DLGAP2: variants seen among roughly 807,000 people sequenced by gnomAD.
DLGAP2 encodes the protein disks large-associated protein 2.
Under a neutral mutation model 100.3 loss-of-function variants are expected in DLGAP2, and 26 were observed. That is an observed-to-expected ratio of 0.26 (90% CI 0.19 to 0.36). DLGAP2 has a LOEUF of 0.36. Among genes scored for constraint, DLGAP2 ranks in the 10% least tolerant of loss-of-function variants. DLGAP2 has a pLI of 1.00. For missense variants in DLGAP2, 1,858 were observed against 1,453.2 expected (o/e 1.28, Z -4.53); for synonymous variants, 886 against 630.1 (o/e 1.41, Z -6.08).
chr8:1,640,139 C>T (rs577035387), intron 8 of DLGAP2, among the ~76,000 whole-genome samples: 4 of 152,310 alleles, frequency 2.6e-5, no homozygotes, highest in Non-Finnish European at 4.4e-5. Context: ...ATCCTTCAGG[C>T]ACTGACCCAA....
In DLGAP2 at chr8:1,070,556, A is replaced by G. The variant is rs574860499; in HGVS notation, c.73+162590A>G. Among the ~76,000 whole-genome samples the G allele has an allele frequency of 1.6e-3, 239 of 152,296 alleles. 1 individual carries two copies. The highest frequency in any genetic ancestry group is 5.2e-3 in the African/African-American group (217 of 41,564). ...CTCACAGGTGAGGGGCGATTTCGGC[A>G]CTGTCCAATGTCTACTCATGTTCCA... On this transcript the variant is annotated intron_variant, in intron 2 of 14. Coordinates refer to ENST00000637795, the MANE Select transcript of DLGAP2 (RefSeq NM_001346810.2).
chr8:854,255 G>T (rs1008752678), intron 1 of DLGAP2, among the ~76,000 whole-genome samples: 3 of 152,184 alleles, frequency 2.0e-5, no homozygotes, highest in Non-Finnish European at 2.9e-5. Context: ...GGGGTTAGTG[G>T]GGCTTGTGTA....
At chr8:942,943 T>C (rs1584909471) in intron 2 of DLGAP2, among the ~76,000 whole-genome samples, 1 of 152,208 alleles carries the variant, frequency 6.6e-6, no homozygotes, top group East Asian at 1.9e-4. Flanking sequence ...AGTGATGCGT[T>C]GCAAGGGTGT....
intron 1 of DLGAP2, among the ~76,000 whole-genome samples, chr8:836,693 C>T (rs954511427): frequency 1.4e-4 from 22 of 152,182 alleles, no homozygotes; most frequent in Non-Finnish European, 1.5e-5. Flanking sequence ...CCTGGAAGGG[C>T]TTTGGAGAGA....
At chr8:826,318 T>G (rs142405097) in intron 1 of DLGAP2, among the ~76,000 whole-genome samples, 1 of 152,358 alleles carries the variant, frequency 6.6e-6, no homozygotes, top group African/African-American at 2.4e-5. Context: ...ATGTCCTGAT[T>G]TCCTTCCTTT....
intron 1 of DLGAP2, among the ~76,000 whole-genome samples, chr8:904,701 G>T (rs1447688964): frequency 6.6e-6 from 1 of 152,174 alleles, no homozygotes; most frequent in Non-Finnish European, 1.5e-5. Flanking sequence ...GCAGCTGGCT[G>T]GGTGTGGACA....
chr8:1,479,672 T>C (rs1799034936), intron 3 of DLGAP2, among the ~76,000 whole-genome samples: 1 of 152,218 alleles, frequency 6.6e-6, no homozygotes, highest in Non-Finnish European at 1.5e-5. Context: ...TTATCATTCC[T>C]ATTATGCAAA....
At chr8:1,605,620 A>G (rs1322355412) in intron 6 of DLGAP2, among the ~76,000 whole-genome samples, 1 of 152,002 alleles carries the variant, frequency 6.6e-6, no homozygotes, top group Non-Finnish European at 1.5e-5. Flanking sequence ...GCCCCTTTCC[A>G]TGGTTGTCCC....
chr8:1,423,296 T>G (rs150540491), intron 3 of DLGAP2, among the ~76,000 whole-genome samples: 3 of 152,152 alleles, frequency 2.0e-5, no homozygotes, highest in African/African-American at 7.2e-5. Context: ...GCCTGCTCAG[T>G]CCATGGGACA....
chr8:1,649,150 G>C (rs540957112), intron 8 of DLGAP2, among the ~76,000 whole-genome samples: 1 of 152,284 alleles, frequency 6.6e-6, no homozygotes, highest in East Asian at 1.9e-4. Flanking sequence ...TTTACCTAAA[G>C]CTTAAGATGT....
chr8:1,647,039 T>G lies in DLGAP2; in HGVS notation c.1810+13993T>G, dbSNP rs148623848. Among the ~76,000 whole-genome samples the G allele has an allele frequency of 1.2e-3, 189 of 152,298 alleles. 1 individual carries two copies. Among genetic ancestry groups the G allele is most frequent in the African/African-American group, 4.3e-3 (177 of 41,560 alleles). On this transcript the variant is annotated intron_variant, in intron 8 of 14. Transcript: ENST00000637795. ...CACAGGGCTCAGGCTTTGGCTCATC[T>G]GACAGCGGTGCCGGGGCATGGAGGC...
At chr8:1,581,988 A>G (rs1273052064) in intron 6 of DLGAP2, among the ~76,000 whole-genome samples, 3 of 151,230 alleles carry the variant, frequency 2.0e-5, no homozygotes, top group African/African-American at 7.3e-5. Context: ...TGTACACACC[A>G]CAGTCAAACT....
intron 3 of DLGAP2, among the ~76,000 whole-genome samples, chr8:1,332,952 A>G (rs548799483): frequency 1.3e-5 from 2 of 151,924 alleles, no homozygotes; most frequent in East Asian, 3.9e-4. Flanking sequence ...CAGCAAGCCT[A>G]CTCCCTTCCA....
Position 1,549,187 on chromosome 8 carries a change from C to G in DLGAP2, c.734C>G (p.Ser245Trp). 1 of 1,599,338 alleles carries G rather than the reference C, an allele frequency of 6.3e-7. No homozygotes were observed. Among genetic ancestry groups the G allele is most frequent in the Non-Finnish European group, 8.5e-7 (1 of 1,173,880 alleles). The change falls in exon 5 of 15, where the codon TCG becomes TGG. Residue 245 changes from serine to tryptophan, a missense_variant. Transcript: ENST00000637795. ...SVQKLFTKSH[S>W]LEGSSKSNAN... ...CAGAAGCTCTTCACCAAGTCGCACT[C>G]GCTGGAGGGCTCCTCCAAAAGCAAC...
At chr8:1,040,328 G>T (rs1353109069) in intron 2 of DLGAP2, among the ~76,000 whole-genome samples, 1 of 146,026 alleles carries the variant, frequency 6.8e-6, no homozygotes, top group Non-Finnish European at 1.5e-5. Flanking sequence ...CTCAGTGTGC[G>T]TGGTCAGCTC....
intron 3 of DLGAP2, chr8:1,380,285 G>A (rs1369231290): frequency 6.6e-6 from 1 of 152,200 alleles, no homozygotes; most frequent in Non-Finnish European, 1.5e-5. Flanking sequence ...TGGGGCTGCT[G>A]GCACCGACGG....
At chr8:1,245,904 G>A (rs1269977938) in intron 2 of DLGAP2, among the ~76,000 whole-genome samples, 2 of 152,208 alleles carry the variant, frequency 1.3e-5, no homozygotes, top group African/African-American at 2.4e-5. Context: ...GGTGGTCCCA[G>A]TATGACCGCC....
intron 6 of DLGAP2, among the ~76,000 whole-genome samples, chr8:1,579,650 A>T (rs1803145674): frequency 1.3e-5 from 2 of 152,244 alleles, no homozygotes; most frequent in African/African-American, 2.4e-5. Flanking sequence ...AAGACTATTC[A>T]TCTACCTTAT....
chr8:871,674 A>G (rs1585956607), intron 1 of DLGAP2, among the ~76,000 whole-genome samples: 3 of 152,134 alleles, frequency 2.0e-5, no homozygotes, highest in Admixed American at 6.5e-5. Flanking sequence ...ATTCAACCAG[A>G]TAAGTATAGT....
Sources: allele counts gnomAD v4.1 joint callset (sites outside exome capture counted in the v4.1 genomes callset), GRCh38; gene constraint gnomAD v4.1.1; transcripts MANE v1.5; gene names NCBI Gene and HGNC (gene_info 2026-07-23, HGNC 2026-07-21).